Variants in ALB observed in about 807,000 individuals in gnomAD.
The protein encoded by ALB is albumin.
A neutral mutation model predicts 74.5 loss-of-function variants in ALB; 37 were observed. The observed-to-expected ratio is 0.50, with a 90% confidence interval of 0.38 to 0.65. The LOEUF is 0.65. Among genes scored for constraint, ALB ranks in the 30% least tolerant of loss-of-function variants. ALB has a pLI of 0.00. For missense variants in ALB, 685 were observed against 718.7 expected (o/e 0.95, Z 0.54); for synonymous variants, 249 against 251.6 (o/e 0.99, Z 0.10).
rs373827121 is a variant in ALB at position 73,408,782 on chromosome 4, C to G, written c.459C>G (p.Asp153Glu). 2.5e-6 allele frequency: 4 copies of G among 1,613,608 alleles called. No individual in the cohort carries two copies. The highest frequency in any genetic ancestry group is 2.5e-6 in the Non-Finnish European group (3 of 1,179,674). ...ATGTGATGTGCACTGCTTTTCATGA[C>G]AATGAAGAGACATTTTTGAAAAAGT... ...EVDVMCTAFHDNEETFLKKYL... is the reference protein window; with the variant it reads ...EVDVMCTAFHENEETFLKKYL... Residue 153 changes from aspartate (D) to glutamate (E), a missense_variant, in exon 4 of 15, where the codon GAC becomes GAG. Transcript: ENST00000295897.
rs1289436086 is a variant in ALB at position 73,408,728 on chromosome 4, C to A, written c.405C>A (p.Asn135Lys). The change falls in exon 4 of 15, where the codon AAC (asparagine) becomes AAA (lysine). Residue 135 changes from asparagine (N) to lysine (K), a missense_variant. By Grantham distance (94) the Asn-to-Lys change is moderately conservative. Coordinates refer to ENST00000295897, the MANE Select transcript of ALB (RefSeq NM_000477.7). ...TGCAACACAAAGATGACAACCCAAA[C>A]CTCCCCCGATTGGTGAGACCAGAGG... ...CFLQHKDDNP[N>K]LPRLVRPEVD... 6.2e-7 allele frequency: 1 copy of A among 1,614,068 alleles called. No homozygotes were observed. Among genetic ancestry groups the A allele is most frequent in the East Asian group, 2.2e-5 (1 of 44,872 alleles).
At position 73,410,394 on chromosome 4, in the gene ALB, G is replaced by C. The variant is rs756853717; in HGVS notation, c.698G>C (p.Arg233Thr). Residue 233 changes from arginine to threonine, a missense_variant, in exon 6 of 15, where the codon AGA (arginine) becomes ACA (threonine). Transcript: ENST00000295897. Reference protein sequence around the residue: ...KCASLQKFGERAFKAWAVARL... With the variant: ...KCASLQKFGETAFKAWAVARL... ...GCCAGTCTCCAAAAATTTGGAGAAA[G>C]AGCTTTCAAAGCATGGTAAATACTT... 6.2e-7 allele frequency: 1 copy of C among 1,611,982 alleles called. No individual in the cohort carries two copies. Among genetic ancestry groups the C allele is most frequent in the Non-Finnish European group, 8.5e-7 (1 of 1,178,098 alleles).
chr4:73,420,266 G>A lies in ALB; in HGVS notation c.1798G>A (p.Val600Ile). 6.2e-7 allele frequency: 1 copy of A among 1,612,920 alleles called. No individual in the cohort carries two copies. Among genetic ancestry groups the A allele is most frequent in the South Asian group, 1.1e-5 (1 of 91,022 alleles). ...TCFAEEGKKL[V>I]AASQAALGL ...TCTTTGTGTTCAGGGTAAAAAACTT[G>A]TTGCTGCAAGTCAAGCTGCCTTAGG... is the stretch of plus-strand genomic sequence containing the variant. Residue 600 changes from valine (V) to isoleucine (I), a missense_variant, in exon 14 of 15, where the codon GTT becomes ATT. Coordinates refer to ENST00000295897, the MANE Select transcript of ALB (RefSeq NM_000477.7).
chr4:73,409,281 G>A, intron 4 of ALB, 74 bp from the exon 5 acceptor site: 1 of 1,518,444 alleles, frequency 6.6e-7, no homozygotes, highest in Non-Finnish European at 9.1e-7. Flanking sequence ...GTTCTGGGGA[G>A]AATGTCGATT....
At chr4:73,420,394 C>A in intron 14 of ALB, 73 bp downstream of exon 14, 1 of 1,051,442 alleles carries the variant, frequency 9.5e-7, no homozygotes, top group Non-Finnish European at 1.4e-6. Context: ...TTGACCATTT[C>A]CAAGAGCCAT....
chr4:73,417,482 G>A (rs1279606437), intron 10 of ALB, 49 bp from the exon 11 acceptor site: 1 of 1,608,658 alleles, frequency 6.2e-7, no homozygotes, highest in African/African-American at 1.3e-5. Context: ...TATCTACTAT[G>A]TTAGACAGTT....
chr4:73,405,467 G>C (rs1027564456), intron 2 of ALB, among the ~76,000 whole-genome samples: 20 of 152,138 alleles, frequency 1.3e-4, no homozygotes, highest in Non-Finnish European at 2.8e-4. Context: ...AATGGCTACT[G>C]TATTGGACAG....
At chr4:73,419,692 G>A (rs953569605) in intron 13 of ALB, 53 bp downstream of exon 13, 7 of 1,599,552 alleles carry the variant, frequency 4.4e-6, no homozygotes, top group Non-Finnish European at 6.0e-6. Flanking sequence ...TTGCATGTTT[G>A]GTTAGGCTAG....
At chr4:73,412,410 T>C (rs1176599168) in intron 7 of ALB, among the ~76,000 whole-genome samples, 1 of 152,210 alleles carries the variant, frequency 6.6e-6, no homozygotes, top group Admixed American at 6.5e-5. Context: ...AGGTTTTACT[T>C]GGCAGAACAT....
At chr4:73,407,479 G>T (rs1577935485) in intron 3 of ALB, among the ~76,000 whole-genome samples, 1 of 152,112 alleles carries the variant, frequency 6.6e-6, no homozygotes, top group African/African-American at 2.4e-5. Flanking sequence ...GTGCATGTGT[G>T]TACCACATTT....
intron 3 of ALB, among the ~76,000 whole-genome samples, chr4:73,407,821 CTCAA>C (rs1397448190): frequency 6.6e-6 from 1 of 152,176 alleles, no homozygotes; most frequent in Non-Finnish European, 1.5e-5. Context: ...TCTCTCACCA[CTCAA>C]TCTATATATA....
chr4:73,419,348 A>T (rs770702586), intron 12 of ALB, 159 bp from the exon 13 acceptor site: 395 of 722,672 alleles, frequency 5.5e-4, no homozygotes, highest in Non-Finnish European at 8.0e-4. Context: ...GAATATTGAG[A>T]CTTATAGCGG....
rs751753837 is a variant in ALB at position 73,414,988 on chromosome 4, T to G, written c.1059-47T>G. On this transcript the variant is annotated intron_variant, in intron 8 of 14. Coordinates refer to ENST00000295897, the MANE Select transcript of ALB (RefSeq NM_000477.7). ...TTGAGATTAGCTTTGTGATATTTTTTGTGCTCATTTGTCCAACAAAGTCTA... is the reference window on the plus strand; with the variant it reads ...TTGAGATTAGCTTTGTGATATTTTTGGTGCTCATTTGTCCAACAAAGTCTA... 2.4e-5 allele frequency: 38 copies of G among 1,602,682 alleles called. No homozygotes were observed. In the Admixed American group the frequency reaches 6.3e-4, roughly 27 times the overall value.
chr4:73,418,453 G>T (rs1577942016), intron 12 of ALB, 142 bp downstream of exon 12: 2 of 743,280 alleles, frequency 2.7e-6, no homozygotes, highest in East Asian at 5.4e-5. Context: ...GCTGATAAGA[G>T]TACCCAGAAT....
rs2149329558 is a variant in ALB at position 73,418,181 on chromosome 4, A to G, written c.1522A>G (p.Arg508Gly). ...ATGCTGCACAGAATCCTTGGTGAAC[A>G]GGCGACCATGCTTTTCAGCTCTGGA... ...TKCCTESLVN[R>G]RPCFSALEVD... Residue 508 changes from arginine (R) to glycine (G), a missense_variant, in exon 12 of 15, where the codon AGG becomes GGG. Physicochemically the swap from Arg to Gly is moderately radical, Grantham distance 125. Coordinates refer to ENST00000295897, the MANE Select transcript of ALB (RefSeq NM_000477.7). 1 of 1,614,218 alleles carries G rather than the reference A, an allele frequency of 6.2e-7. No individual in the cohort carries two copies. The highest frequency in any genetic ancestry group is 8.5e-7 in the Non-Finnish European group (1 of 1,180,026).
chr4:73,418,006 G>T, intron 11 of ALB, 82 bp from the exon 12 acceptor site: 1 of 1,320,418 alleles, frequency 7.6e-7, no homozygotes, highest in Middle Eastern at 1.8e-4. Context: ...ATGCCACCAT[G>T]CCTGGCTAAT....
chr4:73,408,134 T>C (rs1718778962), intron 3 of ALB, among the ~76,000 whole-genome samples: 1 of 152,176 alleles, frequency 6.6e-6, no homozygotes, highest in Non-Finnish European at 1.5e-5. Flanking sequence ...TAATATATGA[T>C]GGATTGTGTT....
At chr4:73,416,141 T>A in intron 9 of ALB, 115 bp from the exon 10 acceptor site, 4 of 742,978 alleles carry the variant, frequency 5.4e-6, no homozygotes, top group Non-Finnish European at 9.6e-6. Flanking sequence ...ATTCATCTAT[T>A]CATGTGGCTT....
intron 14 of ALB, 119 bp downstream of exon 14, chr4:73,420,440 T>C: frequency 1.7e-6 from 1 of 574,934 alleles, no homozygotes; most frequent in Non-Finnish European, 3.0e-6. Context: ...AAACTATTTA[T>C]GTATGTAAAT....
Sources: gnomAD v4.1 joint callset for allele counts (sites outside exome capture counted in the v4.1 genomes callset) on GRCh38, gnomAD v4.1.1 for gene constraint, MANE v1.5 for transcripts, NCBI Gene and HGNC (gene_info 2026-07-23, HGNC 2026-07-21) for gene names.